Variants in PRKCH observed in about 807,000 individuals in gnomAD.
PRKCH encodes protein kinase C eta type.
In PRKCH, 28 loss-of-function variants were observed where a neutral mutation model predicts 82.5. The observed-to-expected ratio is 0.34, with a 90% CI of 0.25 to 0.47. The LOEUF (loss-of-function observed/expected upper bound fraction) is 0.47, where lower values mean the gene tolerates loss of function less well. Ranked by LOEUF, PRKCH falls within the 20% of genes least tolerant of loss-of-function variation. The probability of loss-of-function intolerance (pLI) is 1.00; values close to 1 mark genes in which losing one functional copy is unlikely to be tolerated. For missense variants in PRKCH, 705 were observed against 881.8 expected, an observed-to-expected ratio of 0.80 and a Z score of 2.54; for synonymous variants, 322 against 327.4, an observed-to-expected ratio of 0.98 and a Z score of 0.18.
At chr14:61,478,557 G>A (rs1229887467) in intron 9 of PRKCH, among the ~76,000 whole-genome samples, 3 of 152,118 alleles carry the variant, frequency 2.0e-5, no homozygotes, top group Non-Finnish European at 4.4e-5. Flanking sequence ...AATAAATAAG[G>A]AAACTTCTTA....
intron 1 of PRKCH, among the ~76,000 whole-genome samples, chr14:61,354,269 C>A (rs925291924): frequency 1.3e-5 from 2 of 152,110 alleles, no homozygotes; most frequent in African/African-American, 4.8e-5. Flanking sequence ...TTCCATATTT[C>A]TAATCCTAAT....
chr14:61,449,665 T>C (rs1273891438), intron 5 of PRKCH, among the ~76,000 whole-genome samples: 1 of 152,222 alleles, frequency 6.6e-6, no homozygotes, highest in Non-Finnish European at 1.5e-5. Flanking sequence ...ATCTTCTCTA[T>C]GAGCTGCGGC....
rs192586437 is a variant in PRKCH at position 61,280,035 on chromosome 14, A to G, written c.-19+92367A>G. ...GGGTGACGGGCGAGGAGGAGATGCC[A>G]AAAGCACCTTGCAAGAGTTTTGGCA... On this transcript the variant is annotated intron_variant, in intron 1 of 3. Coordinates refer to the PRKCH transcript ENST00000555185. The surrounding 1 kb of genome is among the most constrained non-coding windows in gnomAD (Gnocchi z 5.0). 2.0e-5 allele frequency: 29 copies of G among 1,473,310 alleles called. No individual in the cohort carries two copies. The highest frequency in any genetic ancestry group is 2.6e-5 in the Non-Finnish European group (29 of 1,099,298). The allele number at this position is 1,473,310 out of a possible 1,614,324, so 91.3% of individuals were successfully genotyped here. A position where few individuals can be genotyped will look rare whatever the true frequency, so the allele number is the denominator to read the frequency against.
rs770167178 is a variant in PRKCH, at chr14:61,263,893, GTGTA to G, written c.-19+76229_-19+76232del. 6.1e-3 allele frequency among the ~76,000 whole-genome samples: 620 copies of G among 101,840 alleles called. 3 individuals are homozygous for G. Among genetic ancestry groups the G allele is most frequent in the African/African-American group, 0.019 (572 of 29,912 alleles). 66.8% of individuals were successfully genotyped at this position (101,840 alleles called of 152,430 possible). A position where few individuals can be genotyped will look rare whatever the true frequency, so the allele number is the denominator to read the frequency against. ...TGTGTGTGTGTGTGTGTGTGTGTGTGTGTATGTGTGTGTACGCACGTGCATGTGC... is the reference window on the plus strand; with the variant it reads ...TGTGTGTGTGTGTGTGTGTGTGTGTGTGTGTGTGTACGCACGTGCATGTGC... On this transcript the variant is annotated intron_variant, in intron 1 of 3. Coordinates refer to the PRKCH transcript ENST00000555185.
At chr14:61,315,710 A>C (rs892756840) in intron 1 of PRKCH, among the ~76,000 whole-genome samples, 5 of 150,064 alleles carry the variant, frequency 3.3e-5, no homozygotes, top group Non-Finnish European at 1.5e-5. Context: ...ACTTCTTAGC[A>C]TATTTATATT....
intron 12 of PRKCH, among the ~76,000 whole-genome samples, chr14:61,534,463 A>G (rs1242716543): frequency 1.3e-5 from 2 of 152,212 alleles, no homozygotes; most frequent in African/African-American, 4.8e-5. Context: ...GTGTCCACCT[A>G]AGATCAGGCT....
At chr14:61,251,369 C>G (rs920198923) in intron 1 of PRKCH, among the ~76,000 whole-genome samples, 2 of 152,174 alleles carry the variant, frequency 1.3e-5, no homozygotes, top group Non-Finnish European at 1.5e-5. Context: ...TTCCCACCCT[C>G]TGATAACCAT....
In PRKCH at chr14:61,311,108, G is replaced by A. The variant is rs952586215; in HGVS notation, c.-19+123440G>A. Reference sequence around the variant, plus strand: ...CTAGGCCTCCAGATCTGTGGTGGGAGGGGCTGCTGCCAAGATCTCTGTGAC... The same window carrying A: ...CTAGGCCTCCAGATCTGTGGTGGGAAGGGCTGCTGCCAAGATCTCTGTGAC... On this transcript the variant is annotated intron_variant, in intron 1 of 3. Coordinates refer to the PRKCH transcript ENST00000555185. 2.0e-5 allele frequency among the ~76,000 whole-genome samples: 3 copies of A among 152,232 alleles called. No individual in the cohort carries two copies. The East Asian group carries it at 5.8e-4, about 29-fold the overall frequency.
chr14:61,229,862 C>T (rs1174764035), intron 1 of PRKCH, among the ~76,000 whole-genome samples: 1 of 152,142 alleles, frequency 6.6e-6, no homozygotes, highest in African/African-American at 2.4e-5. Context: ...TGCACAGAAG[C>T]CAGTCAGAAT....
intron 6 of PRKCH, 85 bp from the exon 7 acceptor site, chr14:61,453,140 CT>C: frequency 1.3e-6 from 2 of 1,520,172 alleles, no homozygotes; most frequent in African/African-American, 1.4e-5. Flanking sequence ...CTGTTATAAT[CT>C]TTTAGGCTAT....
intron 2 of PRKCH, among the ~76,000 whole-genome samples, chr14:61,422,893 A>G (rs1882927064): frequency 6.6e-6 from 1 of 152,162 alleles, no homozygotes; most frequent in Non-Finnish European, 1.5e-5. Context: ...ACACCCCCAC[A>G]TACTTGATCT....
chr14:61,546,799 T>C (rs1191934250), intron 12 of PRKCH, among the ~76,000 whole-genome samples: 1 of 152,258 alleles, frequency 6.6e-6, no homozygotes, highest in African/African-American at 2.4e-5. Flanking sequence ...TCCAAGGCAA[T>C]TTTCTTTCAA....
chr14:61,226,369 C>T (rs978947112), intron 1 of PRKCH, among the ~76,000 whole-genome samples: 1 of 152,148 alleles, frequency 6.6e-6, no homozygotes, highest in Non-Finnish European at 1.5e-5. Flanking sequence ...TTGGCCACAC[C>T]TTCCAGCAAG....
intron 12 of PRKCH, among the ~76,000 whole-genome samples, chr14:61,534,918 T>C (rs1406640827): frequency 6.6e-6 from 1 of 152,214 alleles, no homozygotes; most frequent in Non-Finnish European, 1.5e-5. Flanking sequence ...TATTGCTAAC[T>C]TGTGAGTAGT....
chr14:61,547,116 G>C (rs10138449), intron 12 of PRKCH, among the ~76,000 whole-genome samples: 37,805 of 152,086 alleles, frequency 0.25, 7,873 homozygotes, highest in African/African-American at 0.56. Flanking sequence ...AAACAGCAGT[G>C]GTGGGGGGAA....
At chr14:61,241,405 C>T (rs2044835872) in intron 1 of PRKCH, among the ~76,000 whole-genome samples, 1 of 152,196 alleles carries the variant, frequency 6.6e-6, no homozygotes, top group Non-Finnish European at 1.5e-5. Flanking sequence ...TAACCTTCAT[C>T]CCCTCTCCAC....
intron 1 of PRKCH, among the ~76,000 whole-genome samples, chr14:61,202,263 A>G (rs1339652097): frequency 6.6e-6 from 1 of 152,154 alleles, no homozygotes; most frequent in African/African-American, 2.4e-5. Context: ...GAAAACAAGG[A>G]CACTTCTGAA....
chr14:61,392,268 A>C (rs865935005), intron 2 of PRKCH, among the ~76,000 whole-genome samples: 1 of 152,156 alleles, frequency 6.6e-6, no homozygotes, highest in Non-Finnish European at 1.5e-5. Flanking sequence ...TTTATCTTGG[A>C]TAATTATATA....
chr14:61,449,425 T>A (rs1046608563), intron 5 of PRKCH, among the ~76,000 whole-genome samples, 173 bp downstream of exon 5: 5 of 151,294 alleles, frequency 3.3e-5, no homozygotes, highest in African/African-American at 1.2e-4. Flanking sequence ...AAGCCAAGGG[T>A]TGTATTAGAA....
Sources: gnomAD v4.1 joint callset for allele counts (sites outside exome capture counted in the v4.1 genomes callset) on GRCh38, gnomAD v4.1.1 for gene constraint, Gnocchi (gnomAD v3.1) non-coding constraint, MANE v1.5 for transcripts, NCBI Gene and HGNC (gene_info 2026-07-23, HGNC 2026-07-21) for gene names.